ZSWIM5: variants seen among roughly 807,000 people sequenced by gnomAD.
ZSWIM5 encodes the protein zinc finger SWIM-type containing 5.
A neutral mutation model predicts 119.6 loss-of-function variants in ZSWIM5; 55 were observed. The ratio of observed to expected loss-of-function variants is 0.46; its 90% CI spans 0.37 to 0.58. The LOEUF (loss-of-function observed/expected upper bound fraction) is 0.58, where lower values mean the gene tolerates loss of function less well. Among genes scored for constraint, ZSWIM5 ranks in the 20% least tolerant of loss-of-function variants. The pLI is 0.00. For synonymous variants in ZSWIM5, 537 were observed against 606.9 expected, an observed-to-expected ratio of 0.88 and a Z score of 1.69; for missense variants, 1,193 against 1,512.8, an observed-to-expected ratio of 0.79 and a Z score of 3.51.
Position 45,035,749 on chromosome 1 carries a change from A to G in ZSWIM5, c.2230T>C (p.Phe744Leu). The G allele has an allele frequency of 5.0e-6, 8 of 1,613,984 alleles. No homozygotes were observed. The highest frequency in any genetic ancestry group is 6.8e-6 in the Non-Finnish European group (8 of 1,180,004). ...GGATCATGAGGCAGCAGAGCTGAGA[A>G]CAAATACTTGGCAAAGGTATGCATG... ...VPMHTFAKYLFSALLPHDPDL... is the reference protein window; with the variant it reads ...VPMHTFAKYLLSALLPHDPDL... Residue 744 changes from phenylalanine to leucine, a missense_variant, in exon 10 of 14, where the codon TTC becomes CTC. This residue lies in a region of ZSWIM5 where 961 missense variants were observed against 1,290.0 expected (regional missense o/e 0.74). Coordinates refer to ENST00000359600, the MANE Select transcript of ZSWIM5 (RefSeq NM_020883.2).
intron 1 of ZSWIM5, among the ~76,000 whole-genome samples, chr1:45,187,761 C>A (rs1646067969): frequency 6.6e-6 from 1 of 151,816 alleles, no homozygotes; most frequent in Non-Finnish European, 1.5e-5. Flanking sequence ...ATAAAAAAAT[C>A]CAATTTAAAA....
intron 7 of ZSWIM5, 129 bp from the exon 8 acceptor site, chr1:45,039,202 G>C: frequency 1.7e-6 from 2 of 1,184,620 alleles, no homozygotes; most frequent in Non-Finnish European, 2.4e-6. Context: ...CTATTGTCTT[G>C]CCTTGGGTTG....
intron 1 of ZSWIM5, among the ~76,000 whole-genome samples, chr1:45,180,680 C>A (rs1284544811): frequency 6.6e-6 from 1 of 152,088 alleles, no homozygotes; most frequent in Non-Finnish European, 1.5e-5. Context: ...TGGGAGGCAC[C>A]CCCCAGTAGG....
intron 1 of ZSWIM5, among the ~76,000 whole-genome samples, chr1:45,099,335 C>T (rs1022958990): frequency 4.6e-5 from 7 of 152,110 alleles, no homozygotes; most frequent in Non-Finnish European, 7.4e-5. Flanking sequence ...TACACCTTCC[C>T]AAGACTAAAC....
chr1:45,164,047 A>G (rs1355798306), intron 1 of ZSWIM5, among the ~76,000 whole-genome samples: 1 of 152,216 alleles, frequency 6.6e-6, no homozygotes, highest in East Asian at 1.9e-4. Context: ...AATGAAGGAA[A>G]AAATGTTGAG....
At chr1:45,191,604 CTCCT>C (rs1439037372) in intron 1 of ZSWIM5, among the ~76,000 whole-genome samples, 6 of 152,124 alleles carry the variant, frequency 3.9e-5, no homozygotes, top group Non-Finnish European at 7.4e-5. Context: ...CTTCTCTGCC[CTCCT>C]AATTGTGCTT....
chr1:45,066,554 A>C (rs1270105323), intron 2 of ZSWIM5, among the ~76,000 whole-genome samples: 1 of 152,238 alleles, frequency 6.6e-6, no homozygotes, highest in Non-Finnish European at 1.5e-5. Context: ...TTCAAAAAAA[A>C]CATTATGTCA....
intron 2 of ZSWIM5, among the ~76,000 whole-genome samples, chr1:45,078,567 G>C (rs1401396472): frequency 1.3e-5 from 2 of 152,144 alleles, no homozygotes; most frequent in Non-Finnish European, 2.9e-5. Context: ...AGCTGGTAGT[G>C]GTGTGACATA....
intron 1 of ZSWIM5, among the ~76,000 whole-genome samples, chr1:45,089,330 C>T (rs893474196): frequency 6.6e-6 from 1 of 152,124 alleles, no homozygotes; most frequent in African/African-American, 2.4e-5. Flanking sequence ...AGTATGTATT[C>T]ATCTAATCAT....
chr1:45,173,954 T>G (rs1645960527), intron 1 of ZSWIM5, among the ~76,000 whole-genome samples: 1 of 152,086 alleles, frequency 6.6e-6, no homozygotes, highest in African/African-American at 2.4e-5. Context: ...TTACGTATGT[T>G]TGTACTGATT....
chr1:45,056,144 G>T (rs1271279283), intron 4 of ZSWIM5, among the ~76,000 whole-genome samples: 1 of 152,108 alleles, frequency 6.6e-6, no homozygotes, highest in African/African-American at 2.4e-5. Context: ...CAACTGGAGT[G>T]GGCTCAAGAA....
At chr1:45,203,062 T>C (rs4660841) in intron 1 of ZSWIM5, among the ~76,000 whole-genome samples, 26,280 of 151,970 alleles carry the variant, frequency 0.17, 2,439 homozygotes, top group African/African-American at 0.23. Context: ...GACATAGCTT[T>C]AAACTTACAG....
chr1:45,191,146 C>T (rs906536608), intron 1 of ZSWIM5, among the ~76,000 whole-genome samples: 11 of 151,282 alleles, frequency 7.3e-5, no homozygotes, highest in Non-Finnish European at 1.6e-4. Context: ...CCTCGTGATC[C>T]GCCCGCTCCT....
At chr1:45,202,494 C>G (rs1431129881) in intron 1 of ZSWIM5, among the ~76,000 whole-genome samples, 1 of 151,970 alleles carries the variant, frequency 6.6e-6, no homozygotes, top group Non-Finnish European at 1.5e-5. Flanking sequence ...ACTTAGCATT[C>G]TGGTTCTAGT....
chr1:45,146,282 A>G (rs1363104942), intron 1 of ZSWIM5, among the ~76,000 whole-genome samples: 1 of 152,060 alleles, frequency 6.6e-6, no homozygotes, highest in Non-Finnish European at 1.5e-5. Context: ...GATGTAGTCC[A>G]GCTTTTTTCA....
At chr1:45,064,469 A>G (rs762644098) in intron 2 of ZSWIM5, among the ~76,000 whole-genome samples, 5 of 152,226 alleles carry the variant, frequency 3.3e-5, no homozygotes, top group Non-Finnish European at 7.3e-5. Context: ...ATAGGCATAT[A>G]TTGTGTCCTA....
At chr1:45,118,646 G>A (rs1190264519) in intron 1 of ZSWIM5, among the ~76,000 whole-genome samples, 1 of 151,588 alleles carries the variant, frequency 6.6e-6, no homozygotes, top group Non-Finnish European at 1.5e-5. Flanking sequence ...GGAGGCTGAG[G>A]TGGTAGGATC....
At chr1:45,141,394 T>G (rs572924468) in intron 1 of ZSWIM5, among the ~76,000 whole-genome samples, 59 of 152,204 alleles carry the variant, frequency 3.9e-4, no homozygotes, top group African/African-American at 1.3e-3. Context: ...ATCACAGAGA[T>G]GAAGAACTCA....
chr1:45,024,206 T>C (rs956734102), intron 11 of ZSWIM5, among the ~76,000 whole-genome samples: 1 of 150,358 alleles, frequency 6.7e-6, no homozygotes, highest in African/African-American at 2.4e-5. Context: ...TTTTTTTTTT[T>C]TGAGACGGAG....
Sources: gnomAD v4.1 joint callset for allele counts (sites outside exome capture counted in the v4.1 genomes callset) on GRCh38, gnomAD v4.1.1 for gene constraint, gnomAD v4.1.1 regional missense constraint, MANE v1.5 for transcripts, NCBI Gene and HGNC (gene_info 2026-07-23, HGNC 2026-07-21) for gene names.